The following GPATCH2 variants were observed in gnomAD, a reference collection of about 807,000 sequenced individuals.
The protein encoded by GPATCH2 is G patch domain-containing protein 2.
Under a neutral mutation model 58.0 loss-of-function variants are expected in GPATCH2, and 51 were observed. That is an observed-to-expected ratio of 0.88 (90% CI 0.70 to 1.11). GPATCH2 has a LOEUF of 1.11. Among genes scored for constraint, GPATCH2 ranks in the 50% most tolerant of loss-of-function variants. The pLI is 0.00. For synonymous variants in GPATCH2, 222 were observed against 218.5 expected (o/e 1.02, Z -0.14); for missense variants, 625 against 652.2 (o/e 0.96, Z 0.45).
At chr1:217,471,620 G>T (rs766710600) in intron 8 of GPATCH2, among the ~76,000 whole-genome samples, 1 of 152,152 alleles carries the variant, frequency 6.6e-6, no homozygotes, top group African/African-American at 2.4e-5. Flanking sequence ...CTGTATTAAT[G>T]TAAATAGGAA....
At chr1:217,465,753 A>T (rs549445432) in intron 8 of GPATCH2, among the ~76,000 whole-genome samples, 146 of 152,308 alleles carry the variant, frequency 9.6e-4, no homozygotes, top group African/African-American at 3.3e-3. Flanking sequence ...TGGGTATGTC[A>T]TTATCAGAAG....
intron 5 of GPATCH2, chr1:217,609,877 T>G (rs1035101279): frequency 9.5e-7 from 1 of 1,052,826 alleles, no homozygotes; most frequent in Non-Finnish European, 1.1e-6. Flanking sequence ...ATAAATGGAT[T>G]CAATGTAAAA....
intron 8 of GPATCH2, among the ~76,000 whole-genome samples, chr1:217,467,202 G>A (rs913637829): frequency 2.0e-5 from 3 of 152,086 alleles, no homozygotes; most frequent in Non-Finnish European, 4.4e-5. Flanking sequence ...CCCATTTTGG[G>A]GAAGAAACAA....
At chr1:217,450,874 C>T (rs1261341989) in intron 8 of GPATCH2, among the ~76,000 whole-genome samples, 1 of 151,996 alleles carries the variant, frequency 6.6e-6, no homozygotes, top group Admixed American at 6.6e-5. Context: ...AGAATGATGT[C>T]ACAGAGAAGA....
intron 8 of GPATCH2, among the ~76,000 whole-genome samples, chr1:217,462,860 C>A (rs1449475028): frequency 6.6e-6 from 1 of 152,160 alleles, no homozygotes; most frequent in South Asian, 2.1e-4. Context: ...AAGTTCAATT[C>A]CTGCTCCCTT....
chr1:217,581,525 G>A (rs997492616), intron 5 of GPATCH2, among the ~76,000 whole-genome samples: 3 of 152,150 alleles, frequency 2.0e-5, no homozygotes, highest in African/African-American at 7.2e-5. Context: ...CAGAGTTGCT[G>A]AGTCCCACCT....
chr1:217,491,131 T>C (rs766443910), intron 8 of GPATCH2, among the ~76,000 whole-genome samples: 4 of 152,216 alleles, frequency 2.6e-5, no homozygotes, highest in Non-Finnish European at 5.9e-5. Flanking sequence ...GCCATTTTCA[T>C]CTAAACAAAA....
At chr1:217,577,165 GA>G (rs954219295) in intron 5 of GPATCH2, among the ~76,000 whole-genome samples, 7 of 152,260 alleles carry the variant, frequency 4.6e-5, no homozygotes, top group African/African-American at 1.7e-4. Context: ...AGGACCACTG[GA>G]AAGATAATAA....
intron 5 of GPATCH2, among the ~76,000 whole-genome samples, chr1:217,540,149 C>T (rs1319808295): frequency 1.3e-5 from 2 of 152,072 alleles, no homozygotes; most frequent in African/African-American, 4.8e-5. Flanking sequence ...ACTGATAAAG[C>T]ACAATTAATT....
At chr1:217,564,986 G>C (rs986559085) in intron 5 of GPATCH2, among the ~76,000 whole-genome samples, 1 of 152,188 alleles carries the variant, frequency 6.6e-6, no homozygotes, top group Admixed American at 6.5e-5. Context: ...AGTTGAAAAA[G>C]AAGAAGCAGA....
At chr1:217,583,841 G>A (rs976762235) in intron 5 of GPATCH2, among the ~76,000 whole-genome samples, 34 of 152,038 alleles carry the variant, frequency 2.2e-4, no homozygotes, top group Non-Finnish European at 3.8e-4. Context: ...ATATCTCAGA[G>A]CAAGAGTGAA....
chr1:217,441,274 A>G (rs968613142), intron 9 of GPATCH2, among the ~76,000 whole-genome samples: 4 of 152,354 alleles, frequency 2.6e-5, no homozygotes, highest in Non-Finnish European at 5.9e-5. Flanking sequence ...CCTATTTAAT[A>G]AATGGTGTTG....
intron 5 of GPATCH2, among the ~76,000 whole-genome samples, chr1:217,547,186 AC>A (rs1211470430): frequency 6.6e-6 from 1 of 152,054 alleles, no homozygotes; most frequent in African/African-American, 2.4e-5. Flanking sequence ...ACATAGTGAA[AC>A]CCTGTCTCTA....
chr1:217,498,045 T>G, intron 7 of GPATCH2: 1 of 468,988 alleles, frequency 2.1e-6, no homozygotes, highest in Non-Finnish European at 3.8e-6. Context: ...ATGTACTGTT[T>G]TGATACCTTA....
chr1:217,458,018 G>T (rs998204825), intron 8 of GPATCH2, among the ~76,000 whole-genome samples: 4 of 152,112 alleles, frequency 2.6e-5, no homozygotes, highest in African/African-American at 9.7e-5. Flanking sequence ...ACGAAGTCAG[G>T]AGATAGAGAA....
intron 5 of GPATCH2, among the ~76,000 whole-genome samples, chr1:217,570,275 C>G (rs1666470626): frequency 6.6e-6 from 1 of 152,026 alleles, no homozygotes; most frequent in Non-Finnish European, 1.5e-5. Context: ...CCACGCCTGG[C>G]TAATTTTTTG....
intron 1 of GPATCH2, 152 bp downstream of exon 1, chr1:217,630,764 G>C: frequency 1.7e-6 from 1 of 583,826 alleles, no homozygotes; most frequent in Non-Finnish European, 3.0e-6. Context: ...CCCTCAAACT[G>C]CGTGCATCCC....
chr1:217,620,378 G>A lies in GPATCH2; in HGVS notation c.178C>T (p.Pro60Ser). Residue 60 changes from proline to serine, a missense_variant, in exon 2 of 10, where the codon CCT becomes TCT. Transcript: ENST00000366935. ...CTTTTCCTTGCCTGGCGTTTCAGAG[G>A]GCAAGATATACTTCGAGAATGGTCT... ...TGDHSRSISC[P>S]LKRQARKRRG... is the part of the protein sequence containing the mutation. 1 of 1,613,880 alleles carries A rather than the reference G, an allele frequency of 6.2e-7. No individual in the cohort carries two copies. Among genetic ancestry groups the A allele is most frequent in the Non-Finnish European group, 8.5e-7 (1 of 1,179,948 alleles).
chr1:217,488,342 T>C (rs1168224592), intron 8 of GPATCH2, among the ~76,000 whole-genome samples: 1 of 152,234 alleles, frequency 6.6e-6, no homozygotes, highest in Non-Finnish European at 1.5e-5. Context: ...ATAGCAGTGT[T>C]ATGATGGTGG....
Sources: allele counts gnomAD v4.1 joint callset (sites outside exome capture counted in the v4.1 genomes callset), GRCh38; gene constraint gnomAD v4.1.1; transcripts MANE v1.5; gene names NCBI Gene and HGNC (gene_info 2026-07-23, HGNC 2026-07-21).